The following SPON1 variants were observed in gnomAD, a reference collection of about 807,000 sequenced individuals.
SPON1 encodes spondin 1.
SPON1 carries 52 observed loss-of-function variants against 111.7 expected under a neutral mutation model. That is an observed-to-expected ratio of 0.47 (90% CI 0.37 to 0.59). The LOEUF (loss-of-function observed/expected upper bound fraction) is 0.59. Ranked by LOEUF, SPON1 falls within the 20% of genes least tolerant of loss-of-function variation. The probability of loss-of-function intolerance (pLI) is 0.00; values close to 1 mark genes in which losing one functional copy is unlikely to be tolerated. For missense variants in SPON1, 957 were observed against 1,068.5 expected, an observed-to-expected ratio of 0.90 and a Z score of 1.46; for synonymous variants, 410 against 395.8, an observed-to-expected ratio of 1.04 and a Z score of -0.43.
At chr11:14,055,549 G>C (rs117950776) in intron 3 of SPON1, among the ~76,000 whole-genome samples, 4 of 152,196 alleles carry the variant, frequency 2.6e-5, no homozygotes, top group Non-Finnish European at 5.9e-5. Context: ...CCAGGTTAAC[G>C]TCCCAAGAAT....
chr11:14,059,043 T>C (rs1848769168), intron 3 of SPON1, among the ~76,000 whole-genome samples: 1 of 152,188 alleles, frequency 6.6e-6, no homozygotes, highest in Non-Finnish European at 1.5e-5. Context: ...GTGGGGATCT[T>C]ACAAGCTGTG....
intron 6 of SPON1, among the ~76,000 whole-genome samples, chr11:14,214,850 AG>A (rs1184391658): frequency 6.6e-6 from 1 of 152,180 alleles, no homozygotes; most frequent in Non-Finnish European, 1.5e-5. Context: ...GAGAGGATGA[AG>A]GGGATGTGTT....
intron 6 of SPON1, among the ~76,000 whole-genome samples, chr11:14,214,383 T>A (rs1244854589): frequency 6.6e-6 from 1 of 152,144 alleles, no homozygotes; most frequent in Non-Finnish European, 1.5e-5. Context: ...CTTGCATAGA[T>A]AGGTGGTTCC....
At chr11:14,057,690 GT>G (rs1564895337) in intron 3 of SPON1, among the ~76,000 whole-genome samples, 1 of 151,876 alleles carries the variant, frequency 6.6e-6, no homozygotes. Context: ...GGTTGAAATG[GT>G]TTCAAATTAA....
intron 6 of SPON1, among the ~76,000 whole-genome samples, chr11:14,188,495 A>G (rs984300695): frequency 1.3e-5 from 2 of 152,076 alleles, no homozygotes; most frequent in Admixed American, 6.6e-5. Context: ...TAAGTAATTG[A>G]CTCATTTTAC....
chr11:14,063,731 T>A (rs1246446845), intron 3 of SPON1, among the ~76,000 whole-genome samples: 2 of 152,240 alleles, frequency 1.3e-5, no homozygotes, highest in African/African-American at 4.8e-5. Context: ...GTCTTTTTTA[T>A]AAGAAAGCTC....
At chr11:14,002,750 TA>T (rs1473826619) in intron 2 of SPON1, among the ~76,000 whole-genome samples, 5 of 151,830 alleles carry the variant, frequency 3.3e-5, no homozygotes, top group African/African-American at 9.7e-5. Context: ...CAGTAGAAGA[TA>T]GGGGGCACAG....
At chr11:14,122,260 A>G (rs2133854301) in intron 5 of SPON1, among the ~76,000 whole-genome samples, 1 of 152,072 alleles carries the variant, frequency 6.6e-6, no homozygotes, top group Admixed American at 6.5e-5. Context: ...TGCAAGCTCT[A>G]CCTCCCAGGT....
At chr11:14,054,111 C>T (rs1186437131) in intron 3 of SPON1, among the ~76,000 whole-genome samples, 2 of 152,192 alleles carry the variant, frequency 1.3e-5, no homozygotes, top group Non-Finnish European at 2.9e-5. Context: ...GAATGTACCA[C>T]ACTCCCTCCA....
intron 3 of SPON1, among the ~76,000 whole-genome samples, chr11:14,051,888 T>C (rs1848710431): frequency 6.6e-6 from 1 of 152,226 alleles, no homozygotes; most frequent in Non-Finnish European, 1.5e-5. Context: ...AAAAGCCCTA[T>C]AGAATTTTCA....
At chr11:14,175,143 G>A (rs1848160324) in intron 6 of SPON1, among the ~76,000 whole-genome samples, 1 of 152,214 alleles carries the variant, frequency 6.6e-6, no homozygotes, top group African/African-American at 2.4e-5. Context: ...ACCACTGTCA[G>A]AAGATAAAGC....
intron 6 of SPON1, among the ~76,000 whole-genome samples, chr11:14,211,534 T>C (rs1414015934): frequency 1.3e-5 from 2 of 152,142 alleles, no homozygotes; most frequent in African/African-American, 4.8e-5. Flanking sequence ...AGAATCAATA[T>C]CATGAAAATG....
intron 2 of SPON1, among the ~76,000 whole-genome samples, chr11:14,034,131 G>A (rs948086377): frequency 4.6e-5 from 7 of 152,216 alleles, no homozygotes; most frequent in African/African-American, 1.4e-4. Flanking sequence ...GGGCAACATA[G>A]TAAGATCCTA....
intron 5 of SPON1, among the ~76,000 whole-genome samples, chr11:14,097,081 C>G (rs1467684884): frequency 6.6e-6 from 1 of 152,126 alleles, no homozygotes; most frequent in African/African-American, 2.4e-5. Flanking sequence ...TAAAAACACC[C>G]AAATGAGAAT....
intron 2 of SPON1, among the ~76,000 whole-genome samples, chr11:14,022,910 G>A (rs1848491307): frequency 6.6e-6 from 1 of 152,198 alleles, no homozygotes. Context: ...GGTTCATGTA[G>A]GTTCAACTGG....
chr11:14,146,076 T>C (rs1847714303), intron 6 of SPON1, among the ~76,000 whole-genome samples: 2 of 151,928 alleles, frequency 1.3e-5, no homozygotes, highest in Admixed American at 1.3e-4. Flanking sequence ...GGGGCAGAAC[T>C]GAAAGGTTCA....
At chr11:14,227,282 A>T (rs1554938237) in intron 6 of SPON1, among the ~76,000 whole-genome samples, 1 of 152,076 alleles carries the variant, frequency 6.6e-6, no homozygotes, top group African/African-American at 2.4e-5. Context: ...AATAGCAGGG[A>T]CTTCAGGCAC....
At chr11:14,263,692 T>C (rs1437454093) in intron 15 of SPON1, among the ~76,000 whole-genome samples, 3 of 152,178 alleles carry the variant, frequency 2.0e-5, no homozygotes, top group Non-Finnish European at 4.4e-5. Context: ...CAGGGAAAAC[T>C]AGAGTGGGTC....
At chr11:14,216,534 T>TACCA (rs146711173) in intron 6 of SPON1, among the ~76,000 whole-genome samples, 13 of 152,320 alleles carry the variant, frequency 8.5e-5, no homozygotes, top group African/African-American at 2.9e-4. Flanking sequence ...TATAACAGAA[T>TACCA]ACCACAGTTA....
Sources: gnomAD v4.1 joint callset for allele counts (sites outside exome capture counted in the v4.1 genomes callset) on GRCh38, gnomAD v4.1.1 for gene constraint, MANE v1.5 for transcripts, NCBI Gene and HGNC (gene_info 2026-07-23, HGNC 2026-07-21) for gene names.